Variants in TOPAZ1 observed in about 807,000 individuals in gnomAD.
TOPAZ1 encodes the protein testis and ovary specific TOPAZ 1.
In TOPAZ1, 66 loss-of-function variants were observed where a neutral mutation model predicts 172.2. The ratio of observed to expected loss-of-function variants is 0.38; its 90% CI spans 0.31 to 0.47. The LOEUF (loss-of-function observed/expected upper bound fraction) is 0.47. Ranked by LOEUF, TOPAZ1 falls within the 20% of genes least tolerant of loss-of-function variation. The pLI is 0.99. For synonymous variants in TOPAZ1, 681 were observed against 683.9 expected (o/e 1.00, Z 0.07); for missense variants, 1,822 against 1,972.4 (o/e 0.92, Z 1.44).
In TOPAZ1 at chr3:44,243,051, C is replaced by T. The variant is rs770848036; in HGVS notation, c.545C>T (p.Pro182Leu). ...NKKLKSLENP[P>L]LKITENEATQ... is the part of the protein sequence containing the mutation. Reference sequence around the variant, plus strand: ...AAACTTAAAAGCTTAGAAAACCCACCTCTCAAAATAACCGAAAATGAGGCT... The same window carrying T: ...AAACTTAAAAGCTTAGAAAACCCACTTCTCAAAATAACCGAAAATGAGGCT... The change falls in exon 2 of 20, where the codon CCT becomes CTT. Residue 182 changes from proline to leucine, a missense_variant. By Grantham distance (98) the Pro-to-Leu change is moderately conservative (BLOSUM62 -3). Around this residue, in one of 2 missense-constraint regions of TOPAZ1, gnomAD observed 1,489 missense variants for 1,490.8 expected, o/e 1.00. Coordinates refer to ENST00000309765, the MANE Select transcript of TOPAZ1 (RefSeq NM_001145030.2). The T allele has an allele frequency of 2.6e-6, 4 of 1,544,322 alleles. No individual in the cohort carries two copies. The South Asian group carries it at 4.9e-5, about 19-fold the overall frequency.
intron 12 of TOPAZ1, among the ~76,000 whole-genome samples, chr3:44,300,132 TA>T (rs1006094199): frequency 3.4e-5 from 5 of 148,324 alleles, no homozygotes; most frequent in Admixed American, 1.3e-4. Flanking sequence ...AAATAAAAAA[TA>T]AAAAAAAAGA....
intron 9 of TOPAZ1, among the ~76,000 whole-genome samples, chr3:44,284,866 A>C (rs1233571343): frequency 6.6e-6 from 1 of 152,220 alleles, no homozygotes; most frequent in African/African-American, 2.4e-5. Flanking sequence ...AATCAAAGGG[A>C]GTATAAAAGA....
At chr3:44,294,248 A>G (rs1700170409) in intron 12 of TOPAZ1, among the ~76,000 whole-genome samples, 1 of 151,954 alleles carries the variant, frequency 6.6e-6, no homozygotes, top group East Asian at 1.9e-4. Flanking sequence ...TCAAAAAAAA[A>G]AAGACATATA....
intron 9 of TOPAZ1, among the ~76,000 whole-genome samples, chr3:44,283,458 A>G (rs914086467): frequency 5.3e-5 from 8 of 152,210 alleles, no homozygotes; most frequent in Non-Finnish European, 7.3e-5. Flanking sequence ...CTCAGGCTCT[A>G]CAGAGAGGCC....
At position 44,243,067 on chromosome 3, in the gene TOPAZ1, A is replaced by G. The variant is rs1259470131; in HGVS notation, c.561A>G (p.Glu187=). Residue 187 remains glutamate (E), a synonymous_variant, in exon 2 of 20, where the codon GAA becomes GAG. Coordinates refer to ENST00000309765, the MANE Select transcript of TOPAZ1 (RefSeq NM_001145030.2). ...AAAACCCACCTCTCAAAATAACCGAAAATGAGGCTACACAAAATATTAAGG... is the reference window on the plus strand; with the variant it reads ...AAAACCCACCTCTCAAAATAACCGAGAATGAGGCTACACAAAATATTAAGG... ...SLENPPLKIT[E]NEATQNIKVE... 6.5e-7 allele frequency: 1 copy of G among 1,545,352 alleles called. No individual in the cohort carries two copies. Among genetic ancestry groups the G allele is most frequent in the Non-Finnish European group, 8.7e-7 (1 of 1,145,558 alleles).
chr3:44,254,494 G>T lies in TOPAZ1; in HGVS notation c.2766-474G>T, dbSNP rs935397191. 6.6e-5 allele frequency among the ~76,000 whole-genome samples: 10 copies of T among 151,908 alleles called. No individual in the cohort carries two copies. The South Asian group carries it at 1.9e-3, about 28-fold the overall frequency. Reference sequence around the variant, plus strand: ...AATACAAAATTAGCTGGGCGTCGTGGTGCATGCCTGTAATCCCAGCTACTC... The same window carrying T: ...AATACAAAATTAGCTGGGCGTCGTGTTGCATGCCTGTAATCCCAGCTACTC... On this transcript the variant is annotated intron_variant, in intron 2 of 19. Coordinates refer to ENST00000309765, the MANE Select transcript of TOPAZ1 (RefSeq NM_001145030.2).
intron 12 of TOPAZ1, among the ~76,000 whole-genome samples, chr3:44,297,518 A>G (rs922539445): frequency 3.9e-5 from 6 of 152,234 alleles, no homozygotes; most frequent in African/African-American, 7.2e-5. Context: ...TCTGTAAGAA[A>G]CCTACAGCAA....
At position 44,244,268 on chromosome 3, in the gene TOPAZ1, C is replaced by A. The variant is rs370038352; in HGVS notation, c.1762C>A (p.Pro588Thr). 5 of 1,549,624 alleles carry A rather than the reference C, an allele frequency of 3.2e-6. No homozygotes were observed. Among genetic ancestry groups the A allele is most frequent in the East Asian group, 2.4e-5 (1 of 40,896 alleles). The change falls in exon 2 of 20, where the codon CCT becomes ACT. Residue 588 changes from proline (P) to threonine (T), a missense_variant. This residue lies in a region of TOPAZ1 where 1,489 missense variants were observed against 1,490.8 expected (regional missense o/e 1.00). Coordinates refer to ENST00000309765, the MANE Select transcript of TOPAZ1 (RefSeq NM_001145030.2). ...VEPTLMVIKE[P>T]IIKDDKKIKS... ...ACCTACTTTAATGGTTATAAAGGAA[C>A]CTATAATCAAGGATGATAAAAAGAT... is the stretch of plus-strand genomic sequence containing the variant.
intron 5 of TOPAZ1, among the ~76,000 whole-genome samples, chr3:44,265,945 A>C (rs1203688149): frequency 1.3e-5 from 2 of 152,182 alleles, no homozygotes; most frequent in African/African-American, 4.8e-5. Context: ...TTCCGGTATA[A>C]GGCAGTTTTG....
chr3:44,281,955 G>T lies in TOPAZ1; in HGVS notation c.3373-13G>T. 4 of 1,523,552 alleles carry T rather than the reference G, an allele frequency of 2.6e-6. No homozygotes were observed. The highest frequency in any genetic ancestry group is 1.4e-5 in the African/African-American group (1 of 72,022). The allele number at this position is 1,523,552 out of a possible 1,614,324, so 94.4% of individuals were successfully genotyped here. ...TAAAAAAGGTAGTTTTACATTTTTC[G>T]TGACTTTTGCAGGTTTGCATGGATG... On this transcript the variant is annotated splice_polypyrimidine_tract_variant and intron_variant, in intron 8 of 19. Coordinates refer to ENST00000309765, the MANE Select transcript of TOPAZ1 (RefSeq NM_001145030.2).
At chr3:44,255,176 G>C in intron 3 of TOPAZ1, 147 bp downstream of exon 3, 1 of 499,658 alleles carries the variant, frequency 2.0e-6, no homozygotes, top group East Asian at 3.1e-5. Flanking sequence ...CAATTTTCCT[G>C]TTTTAATTGA....
intron 16 of TOPAZ1, among the ~76,000 whole-genome samples, chr3:44,310,396 G>A (rs1700385411): frequency 1.3e-5 from 2 of 152,120 alleles, no homozygotes; most frequent in South Asian, 2.1e-4. Flanking sequence ...CTACTCAGGA[G>A]GCTGAGGCAG....
At chr3:44,303,852 CTA>C (rs1158539401) in intron 12 of TOPAZ1, among the ~76,000 whole-genome samples, 161 bp from the exon 13 acceptor site, 7 of 152,000 alleles carry the variant, frequency 4.6e-5, no homozygotes, top group African/African-American at 1.7e-4. Context: ...AAGTAGGTGT[CTA>C]TATAGCTGCC....
intron 9 of TOPAZ1, among the ~76,000 whole-genome samples, chr3:44,283,355 A>G (rs1314355036): frequency 1.3e-5 from 2 of 152,210 alleles, no homozygotes; most frequent in East Asian, 3.9e-4. Context: ...GATTTGAGAC[A>G]AGAGGAATCA....
At chr3:44,292,957 T>C (rs1700154090) in intron 12 of TOPAZ1, among the ~76,000 whole-genome samples, 2 of 152,208 alleles carry the variant, frequency 1.3e-5, no homozygotes, top group African/African-American at 4.8e-5. Flanking sequence ...CTCTGCCCCT[T>C]TCTGTGCTCC....
chr3:44,332,423 C>T (rs140397343), downstream of TOPAZ1, among the ~76,000 whole-genome samples: 252 of 152,074 alleles, frequency 1.7e-3, 1 homozygote, highest in Non-Finnish European at 1.2e-3. Flanking sequence ...CATCTGTAAT[C>T]GAGAATAATA....
chr3:44,319,551 GTTTTAC>G (rs953637065), intron 16 of TOPAZ1, among the ~76,000 whole-genome samples: 33 of 152,198 alleles, frequency 2.2e-4, no homozygotes, highest in African/African-American at 7.5e-4. Context: ...TGAACGAACA[GTTTTAC>G]TTTTAATGGG....
At chr3:44,324,467 A>G (rs1304007191) in intron 18 of TOPAZ1, among the ~76,000 whole-genome samples, 1 of 152,124 alleles carries the variant, frequency 6.6e-6, no homozygotes. Context: ...TAATGGGAAT[A>G]ATTTCATATA....
In TOPAZ1 at chr3:44,262,497, T is replaced by G; in HGVS notation, c.3020+14T>G. 4 of 1,287,654 alleles carry G rather than the reference T, an allele frequency of 3.1e-6. No individual in the cohort carries two copies. The highest frequency in any genetic ancestry group is 4.3e-6 in the Non-Finnish European group (4 of 922,200). 79.8% of individuals were successfully genotyped at this position (1,287,654 alleles called of 1,614,324 possible). On this transcript the variant is annotated intron_variant, in intron 5 of 19. Transcript: ENST00000309765. The stretch of plus-strand genomic sequence containing the variant: ...AGTTTGCAAAAGGTCTGTAACATAA[T>G]TCTTAATTACATAACTTAAAATAGT...
Sources: gnomAD v4.1 joint callset for allele counts (sites outside exome capture counted in the v4.1 genomes callset) on GRCh38, gnomAD v4.1.1 for gene constraint, gnomAD v4.1.1 regional missense constraint, MANE v1.5 for transcripts, NCBI Gene and HGNC (gene_info 2026-07-23, HGNC 2026-07-21) for gene names.